The following DMXL2 variants were observed in gnomAD, a reference collection of about 807,000 sequenced individuals.
The protein encoded by DMXL2 is Dmx like 2.
A neutral mutation model predicts 331.1 loss-of-function variants in DMXL2; 103 were observed. The observed-to-expected ratio is 0.31, with a 90% CI of 0.27 to 0.37. The LOEUF (loss-of-function observed/expected upper bound fraction) is 0.37, where lower values mean the gene tolerates loss of function less well. Among genes scored for constraint, DMXL2 ranks in the 10% least tolerant of loss-of-function variants. DMXL2 has a pLI of 1.00. For synonymous variants in DMXL2, 1,281 were observed against 1,252.1 expected (o/e 1.02, Z -0.49); for missense variants, 3,171 against 3,642.9 (o/e 0.87, Z 3.33).
intron 1 of DMXL2, among the ~76,000 whole-genome samples, chr15:51,610,914 A>T (rs1453339246): frequency 6.6e-6 from 1 of 152,208 alleles, no homozygotes; most frequent in Non-Finnish European, 1.5e-5. Flanking sequence ...AGTCTCATAT[A>T]TTCAGAAATT....
At chr15:51,616,440 A>C (rs941957832) in intron 1 of DMXL2, among the ~76,000 whole-genome samples, 1 of 152,232 alleles carries the variant, frequency 6.6e-6, no homozygotes, top group African/African-American at 2.4e-5. Context: ...ATCAAATTCC[A>C]GGATTACATG....
intron 1 of DMXL2, among the ~76,000 whole-genome samples, chr15:51,592,500 A>G (rs2052450892): frequency 6.6e-6 from 1 of 152,210 alleles, no homozygotes; most frequent in South Asian, 2.1e-4. Context: ...TCTACAGGAT[A>G]TTATCCAGGA....
At chr15:51,519,736 G>A (rs561326756) in intron 13 of DMXL2, among the ~76,000 whole-genome samples, 11 of 139,340 alleles carry the variant, frequency 7.9e-5, no homozygotes, top group African/African-American at 1.1e-4. Flanking sequence ...TGCGCCTCCC[G>A]AGTTCAAGTG....
chr15:51,537,387 C>T lies in DMXL2; in HGVS notation c.1617+101G>A. The T allele has an allele frequency of 4.5e-6, 6 of 1,329,328 alleles. No individual in the cohort carries two copies. The South Asian group carries it at 6.4e-5, about 14-fold the overall frequency. The allele number at this position is 1,329,328 out of a possible 1,614,324, so 82.3% of individuals were successfully genotyped here. A position where few individuals can be genotyped will look rare whatever the true frequency, so the allele number is the denominator to read the frequency against. ...TCTTTACTCAGATGCTTATCAAAAC[C>T]AAAATTTTCAGTAATTCTAAAAACA... On this transcript the variant is annotated intron_variant, in intron 11 of 43. Transcript: ENST00000560891.
intron 15 of DMXL2, among the ~76,000 whole-genome samples, chr15:51,513,012 C>G (rs1035252666): frequency 2.8e-4 from 42 of 151,830 alleles, no homozygotes; most frequent in Admixed American, 2.7e-3. Context: ...CAAAATAAAG[C>G]AGAGGCAGAG....
At chr15:51,481,987 T>A (rs757360068) in intron 23 of DMXL2, among the ~76,000 whole-genome samples, 9 of 152,140 alleles carry the variant, frequency 5.9e-5, no homozygotes, top group East Asian at 1.9e-4. Flanking sequence ...ACACAAAAAA[T>A]TTTAATTGAT....
At position 51,617,629 on chromosome 15, in the gene DMXL2, T is replaced by A. The variant is rs558550948; in HGVS notation, c.87+4830A>T. Among the ~76,000 whole-genome samples, 9 of 152,304 alleles carry A rather than the reference T, an allele frequency of 5.9e-5. No individual in the cohort carries two copies. The South Asian group carries it at 8.3e-4, about 14-fold the overall frequency. The stretch of plus-strand genomic sequence containing the variant: ...CAACACAACCACTTTATGTTTCTAG[T>A]CCATTTTCTCTTTTGACCCCTGAAA... On this transcript the variant is annotated intron_variant, in intron 1 of 43. Coordinates refer to ENST00000560891, the MANE Select transcript of DMXL2 (RefSeq NM_001378457.1).
At chr15:51,516,124 T>C (rs994789696) in intron 14 of DMXL2, among the ~76,000 whole-genome samples, 2 of 152,220 alleles carry the variant, frequency 1.3e-5, no homozygotes, top group African/African-American at 4.8e-5. Flanking sequence ...TCAACTATAG[T>C]TGGCTCTTTC....
rs545135541 is a variant in DMXL2 at position 51,492,638 on chromosome 15, G to C, written c.4784-891C>G. ...ACTGATAACGCTCTTACTGATATTC[G>C]ACTTACAGCAGGTAAAAACGAAACA... is the stretch of plus-strand genomic sequence containing the variant. On this transcript the variant is annotated intron_variant, in intron 19 of 43. Transcript: ENST00000560891. Among the ~76,000 whole-genome samples the C allele has an allele frequency of 5.9e-5, 9 of 152,188 alleles. No individual in the cohort carries two copies. The East Asian group carries it at 1.5e-3, about 26-fold the overall frequency.
intron 1 of DMXL2, among the ~76,000 whole-genome samples, chr15:51,606,513 C>T (rs1042179253): frequency 6.6e-6 from 1 of 152,138 alleles, no homozygotes; most frequent in Non-Finnish European, 1.5e-5. Context: ...AGATTCGCAT[C>T]TGTCTTTGCA....
At chr15:51,572,411 G>A (rs2050737313) in intron 2 of DMXL2, among the ~76,000 whole-genome samples, 1 of 152,054 alleles carries the variant, frequency 6.6e-6, no homozygotes, top group Admixed American at 6.5e-5. Flanking sequence ...TAAAAAAAGA[G>A]GGAATCCTCC....
intron 1 of DMXL2, among the ~76,000 whole-genome samples, chr15:51,607,588 A>G (rs1442935167): frequency 6.6e-6 from 1 of 152,248 alleles, no homozygotes; most frequent in Non-Finnish European, 1.5e-5. Context: ...ATTTGAAGAA[A>G]CAGCTGAAAT....
intron 34 of DMXL2, chr15:51,459,032 G>A: frequency 2.1e-6 from 1 of 468,946 alleles, no homozygotes; most frequent in South Asian, 3.2e-5. Context: ...GTAAGATACT[G>A]ATTAATTATA....
intron 1 of DMXL2, among the ~76,000 whole-genome samples, chr15:51,600,936 A>C (rs1484290790): frequency 6.6e-6 from 1 of 152,178 alleles, no homozygotes; most frequent in African/African-American, 2.4e-5. Context: ...ACAGACATAC[A>C]GTTAACAGCC....
At position 51,546,327 on chromosome 15, in the gene DMXL2, T is replaced by C. The variant is rs548746725; in HGVS notation, c.747-561A>G. Among the ~76,000 whole-genome samples the C allele has an allele frequency of 4.8e-4, 73 of 152,178 alleles. 1 individual carries two copies. Among genetic ancestry groups the C allele is most frequent in the African/African-American group, 1.7e-3 (72 of 41,540 alleles). ...TTACAAAGGAACAAAAAAATCATTC[T>C]CCCTTTAAAAAAATGCTCACACAGA... On this transcript the variant is annotated intron_variant, in intron 7 of 43. Coordinates refer to ENST00000560891, the MANE Select transcript of DMXL2 (RefSeq NM_001378457.1).
intron 15 of DMXL2, among the ~76,000 whole-genome samples, chr15:51,513,259 C>T (rs17704742): frequency 0.76 from 115,931 of 152,110 alleles, 44,777 homozygotes; most frequent in African/African-American, 0.86. Context: ...TTCTGGTAAG[C>T]TGGCATATCT....
chr15:51,616,868 T>C (rs9920145), intron 1 of DMXL2, among the ~76,000 whole-genome samples: 75,011 of 145,562 alleles, frequency 0.52, 19,044 homozygotes, highest in Admixed American at 0.54. Context: ...ACCTAGGAGA[T>C]GGAGGTTGTG....
At chr15:51,471,461 AG>A in intron 28 of DMXL2, 60 bp from the exon 29 acceptor site, 1 of 1,464,354 alleles carries the variant, frequency 6.8e-7, no homozygotes, top group Non-Finnish European at 9.3e-7. Flanking sequence ...TAATTGATAG[AG>A]TTAAGCTTTC....
At chr15:51,476,164 CA>C (rs1440785764) in intron 27 of DMXL2, among the ~76,000 whole-genome samples, 1 of 152,072 alleles carries the variant, frequency 6.6e-6, no homozygotes, top group African/African-American at 2.4e-5. Flanking sequence ...AAAGGACTGT[CA>C]GACAGCATGA....
Sources: gnomAD v4.1 joint callset for allele counts (sites outside exome capture counted in the v4.1 genomes callset) on GRCh38, gnomAD v4.1.1 for gene constraint, MANE v1.5 for transcripts, NCBI Gene and HGNC (gene_info 2026-07-23, HGNC 2026-07-21) for gene names.